The following ITPR1 variants were observed in gnomAD, a reference collection of about 807,000 sequenced individuals.
ITPR1 encodes the protein inositol 1,4,5-trisphosphate-gated calcium channel ITPR1.
In ITPR1, 96 loss-of-function variants were observed where a neutral mutation model predicts 318.4. That is an observed-to-expected ratio of 0.30 (90% confidence interval 0.26 to 0.36). ITPR1 has a LOEUF of 0.36. ITPR1 is among the 10% of genes least tolerant of loss of function. The pLI is 1.00. For synonymous variants in ITPR1, 1,312 were observed against 1,289.9 expected (o/e 1.02, Z -0.37); for missense variants, 2,440 against 3,460.2 (o/e 0.71, Z 7.40).
chr3:4,561,452 G>A (rs1001031928), intron 4 of ITPR1, among the ~76,000 whole-genome samples: 40 of 152,122 alleles, frequency 2.6e-4, no homozygotes, highest in African/African-American at 9.2e-4. Context: ...TGGGGAGTGG[G>A]GGATTAAATC....
intron 55 of ITPR1, among the ~76,000 whole-genome samples, chr3:4,806,531 G>T (rs1233261457): frequency 2.0e-5 from 3 of 152,218 alleles, no homozygotes; most frequent in Non-Finnish European, 4.4e-5. Flanking sequence ...GAACATGCCT[G>T]TAGTAGGTTC....
chr3:4,647,761 A>G (rs2093493870), intron 10 of ITPR1, among the ~76,000 whole-genome samples: 1 of 152,082 alleles, frequency 6.6e-6, no homozygotes, highest in African/African-American at 2.4e-5. Flanking sequence ...TCATGTGCTT[A>G]TTTGGCATCT....
chr3:4,659,005 C>G (rs1661968966), intron 13 of ITPR1, among the ~76,000 whole-genome samples: 1 of 152,140 alleles, frequency 6.6e-6, no homozygotes, highest in South Asian at 2.1e-4. Flanking sequence ...GATGAAGAAG[C>G]TGAGGCTCAG....
intron 60 of ITPR1, among the ~76,000 whole-genome samples, chr3:4,819,864 G>A (rs2049568358): frequency 6.6e-6 from 1 of 152,232 alleles, no homozygotes; most frequent in African/African-American, 2.4e-5. Context: ...GCAGAATGCT[G>A]ATGATGGCTT....
chr3:4,508,230 C>T (rs151158754), intron 2 of ITPR1, among the ~76,000 whole-genome samples: 557 of 152,242 alleles, frequency 3.7e-3, no homozygotes, highest in Non-Finnish European at 6.3e-3. Flanking sequence ...CTTAATTAAA[C>T]GTAGGAGGCT....
rs184220676 is a variant in ITPR1 at position 4,564,500 on chromosome 3, A to C, written c.163+43406A>C. Among the ~76,000 whole-genome samples, 165 of 152,354 alleles carry C rather than the reference A, an allele frequency of 1.1e-3. 1 individual carries two copies. The highest frequency in any genetic ancestry group is 3.9e-3 in the African/African-American group (163 of 41,584). ...TGACAACTGTAATGAACGAATTACC[A>C]AATGAGTCACGTTCTGCATGTTTTT... On this transcript the variant is annotated intron_variant, in intron 4 of 61. Coordinates refer to ENST00000649015, the MANE Select transcript of ITPR1 (RefSeq NM_001378452.1).
chr3:4,628,979 A>C (rs994539980), intron 5 of ITPR1, among the ~76,000 whole-genome samples: 94 of 152,306 alleles, frequency 6.2e-4, no homozygotes, highest in African/African-American at 2.1e-3. Flanking sequence ...GGAGTCCTAC[A>C]TGCAGTGTGT....
rs571957308 is a variant in ITPR1 at position 4,730,346 on chromosome 3, CA to C, written c.5221-2732del. ...GTGCCAAAAACCTTATAATTAAAAG[CA>C]AAAAAAAAAGTTTGTTGGGTGGAAT... On this transcript the variant is annotated intron_variant, in intron 42 of 61. Transcript: ENST00000649015. Among the ~76,000 whole-genome samples, 1,075 of 110,040 alleles carry C rather than the reference CA, an allele frequency of 9.8e-3. 11 individuals are homozygous for C. Among genetic ancestry groups the C allele is most frequent in the Non-Finnish European group, 0.015 (805 of 52,392 alleles). The allele number at this position is 110,040 out of a possible 152,430, so 72.2% of individuals were successfully genotyped here. A position where few individuals can be genotyped will look rare whatever the true frequency, so the allele number is the denominator to read the frequency against.
intron 6 of ITPR1, among the ~76,000 whole-genome samples, chr3:4,639,755 G>A (rs1032896373): frequency 7.9e-5 from 12 of 151,022 alleles, no homozygotes; most frequent in Non-Finnish European, 1.5e-4. Context: ...GAACCTGGCT[G>A]TGGCAGTTCT....
chr3:4,568,533 G>T (rs1389658002), intron 4 of ITPR1, among the ~76,000 whole-genome samples: 1 of 152,174 alleles, frequency 6.6e-6, no homozygotes, highest in African/African-American at 2.4e-5. Context: ...TGTGTGGGAG[G>T]AGGAGGTGTG....
chr3:4,732,957 A>G (rs2043028073), intron 42 of ITPR1, 131 bp from the exon 43 acceptor site: 5 of 887,316 alleles, frequency 5.6e-6, no homozygotes, highest in African/African-American at 1.7e-5. Context: ...AAATGCTTCC[A>G]TGAATAATTT....
intron 12 of ITPR1, among the ~76,000 whole-genome samples, chr3:4,655,662 C>T (rs1446720055): frequency 4.6e-5 from 7 of 152,200 alleles, no homozygotes; most frequent in African/African-American, 1.7e-4. Context: ...GTGGTCCAGA[C>T]TCATCCCCCA....
chr3:4,618,821 T>C (rs1458973638), intron 4 of ITPR1, among the ~76,000 whole-genome samples: 1 of 152,206 alleles, frequency 6.6e-6, no homozygotes, highest in Non-Finnish European at 1.5e-5. Context: ...GTCTGTGGGA[T>C]GGATGACTAG....
chr3:4,727,439 C>G (rs2042598312), intron 42 of ITPR1, among the ~76,000 whole-genome samples: 1 of 151,968 alleles, frequency 6.6e-6, no homozygotes, highest in African/African-American at 2.4e-5. Flanking sequence ...TCTGTGGTGG[C>G]TTTCTATTTA....
At chr3:4,804,222 G>A (rs971406161) in intron 54 of ITPR1, among the ~76,000 whole-genome samples, 1 of 152,184 alleles carries the variant, frequency 6.6e-6, no homozygotes, top group African/African-American at 2.4e-5. Context: ...TATGGGAGAG[G>A]GAAAGTACCT....
intron 42 of ITPR1, among the ~76,000 whole-genome samples, chr3:4,731,198 C>T (rs1488686068): frequency 6.6e-6 from 1 of 152,142 alleles, no homozygotes; most frequent in Non-Finnish European, 1.5e-5. Context: ...TGAAGTCAGC[C>T]TTTTAAATCA....
At chr3:4,747,335 T>C (rs1410950711) in intron 44 of ITPR1, among the ~76,000 whole-genome samples, 1 of 152,198 alleles carries the variant, frequency 6.6e-6, no homozygotes, top group East Asian at 1.9e-4. Flanking sequence ...TCAGGTTATA[T>C]GCTCAGAGTC....
chr3:4,583,685 G>C (rs765421128), intron 4 of ITPR1, among the ~76,000 whole-genome samples: 2 of 152,146 alleles, frequency 1.3e-5, no homozygotes, highest in Non-Finnish European at 2.9e-5. Context: ...GTTATTCCTG[G>C]AAAGGGCTGT....
intron 4 of ITPR1, among the ~76,000 whole-genome samples, chr3:4,618,525 G>T (rs1372420824): frequency 1.3e-5 from 2 of 152,082 alleles, no homozygotes; most frequent in Non-Finnish European, 2.9e-5. Context: ...TGTAAATATT[G>T]TTCGCTAATG....
Sources: gnomAD v4.1 joint callset for allele counts (sites outside exome capture counted in the v4.1 genomes callset) on GRCh38, gnomAD v4.1.1 for gene constraint, MANE v1.5 for transcripts, NCBI Gene and HGNC (gene_info 2026-07-23, HGNC 2026-07-21) for gene names.